Variants in C2orf92 observed in about 807,000 individuals in gnomAD.
C2orf92 encodes the protein uncharacterized protein C2orf92.
chr2:97,692,974 C>A (rs896113669), intron 5 of C2orf92, among the ~76,000 whole-genome samples: 3 of 152,106 alleles, frequency 2.0e-5, no homozygotes, highest in African/African-American at 7.2e-5. Context: ...TATATTTATA[C>A]TGAGAATGAG....
Position 97,701,219 on chromosome 2 carries a change from G to T in C2orf92, c.580G>T (p.Ala194Ser). The part of the protein sequence containing the change: ...LHFLQRNTII[A>S]AVSGVAILMA... ...CTTCCTGCAGAGGAACACCATCATCGCCGCCGTCTCAGGGGTGGCCATCCT... is the reference window on the plus strand; with the variant it reads ...CTTCCTGCAGAGGAACACCATCATCTCCGCCGTCTCAGGGGTGGCCATCCT... Residue 194 changes from alanine to serine, a missense_variant, in exon 7 of 8, where the codon GCC becomes TCC. Ala to Ser is a moderately conservative substitution (Grantham distance 99). Transcript: ENST00000627399. The T allele has an allele frequency of 2.5e-6, 1 of 399,070 alleles. No homozygotes were observed. 24.7% of individuals were successfully genotyped at this position (399,070 alleles called of 1,614,324 possible).
At chr2:97,665,776 T>A (rs1287928982), upstream of C2orf92, 9 of 142,142 alleles carry the variant, frequency 6.3e-5, no homozygotes, top group South Asian at 7.1e-4. Flanking sequence ...TATATATATT[T>A]TGTTTTGTTT....
chr2:97,674,436 CT>C lies in C2orf92; in HGVS notation c.47-17del, dbSNP rs1675510818. On this transcript the variant is annotated intron_variant, in intron 1 of 7. Coordinates refer to ENST00000627399, the MANE Select transcript of C2orf92 (RefSeq NM_001351368.2). ...CAAAATATTGCTGATATTAACATGC[CT>C]TTGTTTGCTTCACTGGAGATGAAAT... 2.5e-6 allele frequency: 1 copy of C among 398,542 alleles called. No homozygotes were observed. Among genetic ancestry groups the C allele is most frequent in the Admixed American group, 4.4e-5 (1 of 22,726 alleles). 24.7% of individuals were successfully genotyped at this position (398,542 alleles called of 1,614,324 possible). A position where few individuals can be genotyped will look rare whatever the true frequency, so the allele number is the denominator to read the frequency against.
intron 1 of C2orf92, 82 bp downstream of exon 1, chr2:97,669,916 G>A (rs189445655): frequency 5.0e-6 from 2 of 398,382 alleles, no homozygotes; most frequent in African/African-American, 4.1e-5. Context: ...CCCTCCCACA[G>A]TGTGGGGAAC....
intron 3 of C2orf92, among the ~76,000 whole-genome samples, chr2:97,683,107 CACACACAA>C (rs1373172464): frequency 6.6e-6 from 1 of 151,824 alleles, no homozygotes; most frequent in Non-Finnish European, 1.5e-5. Context: ...CACACACACA[CACACACAA>C]ACATATTAAA....
chr2:97,696,258 A>C (rs1443102601), intron 5 of C2orf92, among the ~76,000 whole-genome samples: 1 of 152,134 alleles, frequency 6.6e-6, no homozygotes, highest in African/African-American at 2.4e-5. Context: ...AAGTAGGAAG[A>C]GTGAGGGAAG....
intron 5 of C2orf92, among the ~76,000 whole-genome samples, chr2:97,694,211 T>C (rs1676228021): frequency 6.6e-6 from 1 of 152,080 alleles, no homozygotes; most frequent in African/African-American, 2.4e-5. Context: ...TCATCCATGT[T>C]GTGGCATATT....
intron 1 of C2orf92, chr2:97,670,601 G>C (rs1396055242): frequency 6.6e-6 from 1 of 151,832 alleles, no homozygotes; most frequent in Non-Finnish European, 1.5e-5. Context: ...TTCTCCCTCT[G>C]TCACCCAGAG....
chr2:97,702,972 C>T lies in C2orf92; in HGVS notation c.*171C>T, dbSNP rs897220799. Reference sequence around the variant, plus strand: ...CAAGAAAAACTGCTTTACCATAGGACACTTGTGGCAATATGGCACCGATGG... The same window carrying T: ...CAAGAAAAACTGCTTTACCATAGGATACTTGTGGCAATATGGCACCGATGG... On this transcript the variant is annotated 3_prime_UTR_variant, in exon 8 of 8. Transcript: ENST00000627399. The T allele has an allele frequency of 2.5e-6, 1 of 393,944 alleles. No individual in the cohort carries two copies. Among genetic ancestry groups the T allele is most frequent in the Non-Finnish European group, 4.5e-6 (1 of 223,644 alleles). The allele number at this position is 393,944 out of a possible 1,614,324, so 24.4% of individuals were successfully genotyped here.
intron 3 of C2orf92, among the ~76,000 whole-genome samples, chr2:97,682,469 A>G (rs1354711010): frequency 1.3e-5 from 2 of 152,222 alleles, no homozygotes; most frequent in African/African-American, 2.4e-5. Context: ...AGAGGCCAGT[A>G]TGGAGTATGG....
chr2:97,682,124 G>A (rs1474161788), intron 3 of C2orf92, among the ~76,000 whole-genome samples: 1 of 151,964 alleles, frequency 6.6e-6, no homozygotes, highest in Admixed American at 6.6e-5. Flanking sequence ...AATTAGAGTG[G>A]GAATATTACT....
At chr2:97,665,712 T>TCC (rs1291679494), upstream of C2orf92, 8 of 45,364 alleles carry the variant, frequency 1.8e-4, no homozygotes, top group Non-Finnish European at 3.8e-4. Flanking sequence ...TCTCTCTCTC[T>TCC]CTCTCTCTCT....
At chr2:97,688,275 C>T (rs376886632) in intron 3 of C2orf92, among the ~76,000 whole-genome samples, 2 of 151,964 alleles carry the variant, frequency 1.3e-5, no homozygotes, top group African/African-American at 2.4e-5. Flanking sequence ...TGGAAACCAC[C>T]GAGGACCAAC....
intron 5 of C2orf92, among the ~76,000 whole-genome samples, 176 bp downstream of exon 5, chr2:97,690,503 C>T (rs1261435039): frequency 6.6e-6 from 1 of 151,860 alleles, no homozygotes; most frequent in Non-Finnish European, 1.5e-5. Flanking sequence ...GCCTCAGCCT[C>T]CCAAGTAGCT....
At chr2:97,681,810 A>G (rs902189867) in intron 3 of C2orf92, among the ~76,000 whole-genome samples, 6 of 150,462 alleles carry the variant, frequency 4.0e-5, no homozygotes, top group African/African-American at 1.5e-4. Flanking sequence ...GTGAGCCGAG[A>G]TGGTGCCACT....
At chr2:97,674,594 C>A (rs1375146725) in intron 2 of C2orf92, 37 bp downstream of exon 2, 5 of 398,324 alleles carry the variant, frequency 1.3e-5, no homozygotes, top group Non-Finnish European at 2.2e-5. Context: ...GTGTACATAC[C>A]TCTACAGACC....
intron 3 of C2orf92, 127 bp downstream of exon 3, chr2:97,676,055 A>G (rs1407742890): frequency 1.0e-5 from 4 of 397,686 alleles, no homozygotes; most frequent in South Asian, 1.4e-4. Flanking sequence ...CCTTGAGGCT[A>G]GAATCTGTTT....
At chr2:97,700,890 C>T (rs542246847) in intron 6 of C2orf92, among the ~76,000 whole-genome samples, 20 of 152,240 alleles carry the variant, frequency 1.3e-4, no homozygotes, top group South Asian at 2.1e-4. Context: ...CCACCACGCC[C>T]GGCTAATTTT....
intron 5 of C2orf92, among the ~76,000 whole-genome samples, chr2:97,693,326 C>G (rs1387334294): frequency 1.3e-5 from 2 of 152,104 alleles, no homozygotes; most frequent in East Asian, 3.8e-4. Flanking sequence ...GTTTTCAATT[C>G]TTTAGGATAT....
Sources: gnomAD v4.1 joint callset for allele counts (sites outside exome capture counted in the v4.1 genomes callset) on GRCh38, gnomAD v4.1.1 for gene constraint, MANE v1.5 for transcripts, NCBI Gene and HGNC (gene_info 2026-07-23, HGNC 2026-07-21) for gene names.